Variants in NAALADL2 observed in about 807,000 individuals in gnomAD.
NAALADL2 encodes inactive N-acetylated-alpha-linked acidic dipeptidase-like protein 2.
NAALADL2 carries 76 observed loss-of-function variants against 87.2 expected under a neutral mutation model. The ratio of observed to expected loss-of-function variants is 0.87; its 90% CI spans 0.72 to 1.05. The LOEUF (loss-of-function observed/expected upper bound fraction) is 1.05, where lower values mean the gene tolerates loss of function less well. Ranked by LOEUF, NAALADL2 falls within the 50% of genes least tolerant of loss-of-function variation. The probability of loss-of-function intolerance (pLI) is 0.00; values close to 1 mark genes in which losing one functional copy is unlikely to be tolerated. For missense variants in NAALADL2, 1,089 were observed against 945.8 expected, an observed-to-expected ratio of 1.15 and a Z score of -1.99; for synonymous variants, 354 against 331.0, an observed-to-expected ratio of 1.07 and a Z score of -0.75.
intron 2 of NAALADL2, among the ~76,000 whole-genome samples, chr3:174,656,208 A>G (rs145722689): frequency 1.5e-3 from 221 of 152,312 alleles, no homozygotes; most frequent in South Asian, 2.7e-3. Context: ...TGGACCAGTA[A>G]AGAATACCCT....
At chr3:175,608,389 A>G in intron 10 of NAALADL2, among the ~76,000 whole-genome samples, 1 of 151,720 alleles carries the variant, frequency 6.6e-6, no homozygotes, top group East Asian at 2.0e-4. Flanking sequence ...TTTCCACAAT[A>G]TAAAATTTAT....
chr3:174,810,398 G>A (rs1266607081), intron 3 of NAALADL2, among the ~76,000 whole-genome samples: 2 of 152,026 alleles, frequency 1.3e-5, no homozygotes, highest in Non-Finnish European at 2.9e-5. Flanking sequence ...TGGAAATGAG[G>A]AACTTACTAA....
intron 11 of NAALADL2, among the ~76,000 whole-genome samples, chr3:175,670,540 ATTAT>A (rs1196238291): frequency 2.0e-3 from 3 of 1,514 alleles, no homozygotes; most frequent in African/African-American, 9.0e-3. Flanking sequence ...ATTTAATTAT[ATTAT>A]TTTACATTAT....
chr3:175,431,172 C>T lies in NAALADL2; in HGVS notation c.1091-16057C>T, dbSNP rs377543413. Among the ~76,000 whole-genome samples the T allele has an allele frequency of 1.2e-4, 19 of 152,102 alleles. No individual in the cohort carries two copies. In the East Asian group the frequency reaches 1.4e-3, roughly 11 times the overall value. ...GTGTCACTTCTTTTGTTTCATTTCA[C>T]GGCAAACATACTGTGAGAAAGTGAG... On this transcript the variant is annotated intron_variant, in intron 5 of 13. Coordinates refer to ENST00000454872, the MANE Select transcript of NAALADL2 (RefSeq NM_207015.3).
At chr3:174,905,912 A>T (rs1732897818) in intron 1 of NAALADL2, among the ~76,000 whole-genome samples, 1 of 152,124 alleles carries the variant, frequency 6.6e-6, no homozygotes, top group South Asian at 2.1e-4. Flanking sequence ...ACTGAGTTGC[A>T]CCTGGATATT....
intron 1 of NAALADL2, among the ~76,000 whole-genome samples, chr3:174,920,998 A>G (rs1489409805): frequency 6.6e-6 from 1 of 152,184 alleles, no homozygotes; most frequent in Non-Finnish European, 1.5e-5. Flanking sequence ...GTCATGGTCC[A>G]TGGTGTCCCA....
At chr3:175,369,098 A>G (rs942281619) in intron 5 of NAALADL2, among the ~76,000 whole-genome samples, 1 of 152,150 alleles carries the variant, frequency 6.6e-6, no homozygotes, top group Non-Finnish European at 1.5e-5. Flanking sequence ...TAATTGCACT[A>G]ATGTCACAAT....
chr3:174,488,051 G>A (rs1180347892), intron 1 of NAALADL2, among the ~76,000 whole-genome samples: 1 of 152,044 alleles, frequency 6.6e-6, no homozygotes, highest in Non-Finnish European at 1.5e-5. Flanking sequence ...GTCAGGTAGA[G>A]ACGATACATT....
intron 1 of NAALADL2, among the ~76,000 whole-genome samples, chr3:174,540,494 T>G (rs1722126993): frequency 6.6e-6 from 1 of 152,216 alleles, no homozygotes; most frequent in Non-Finnish European, 1.5e-5. Flanking sequence ...CTAAAGGTAA[T>G]TGTTAAAAAA....
chr3:174,456,212 GA>G (rs1337655916), intron 1 of NAALADL2, among the ~76,000 whole-genome samples: 1 of 151,976 alleles, frequency 6.6e-6, no homozygotes, highest in African/African-American at 2.4e-5. Flanking sequence ...AATCAGAGAT[GA>G]CACAAACAAT....
rs1351294520 is a variant in NAALADL2 at position 174,610,606 on chromosome 3, C to T, written c.-115+59969C>T. 2.6e-5 allele frequency among the ~76,000 whole-genome samples: 4 copies of T among 152,188 alleles called. No homozygotes were observed. In the East Asian group the frequency reaches 5.8e-4, roughly 22 times the overall value. On this transcript the variant is annotated intron_variant, in intron 2 of 3. Transcript: ENST00000434257. ...GCCATCAGAGAAATGCAAATCAAAACCACAATGAGATACCATCTCACACCA... is the reference window on the plus strand; with the variant it reads ...GCCATCAGAGAAATGCAAATCAAAATCACAATGAGATACCATCTCACACCA...
In NAALADL2 at chr3:175,463,498, G is replaced by A. The variant is rs746371827; in HGVS notation, c.1327+5G>A. 12 of 1,533,364 alleles carry A rather than the reference G, an allele frequency of 7.8e-6. No individual in the cohort carries two copies. The African/African-American group carries it at 1.5e-4, about 19-fold the overall frequency. 95.0% of individuals were successfully genotyped at this position (1,533,364 alleles called of 1,614,324 possible). Reference sequence around the variant, plus strand: ...TAATGGGCTTGACATCTCCAGGTAAGTAGGGTTGAAAATTTATAATCTACA... The same window carrying A: ...TAATGGGCTTGACATCTCCAGGTAAATAGGGTTGAAAATTTATAATCTACA... On this transcript the variant is annotated splice_donor_5th_base_variant and intron_variant, in intron 7 of 13. Transcript: ENST00000454872.
chr3:174,532,094 A>C (rs1721293386), intron 1 of NAALADL2, among the ~76,000 whole-genome samples: 1 of 152,204 alleles, frequency 6.6e-6, no homozygotes, highest in Non-Finnish European at 1.5e-5. Flanking sequence ...AGAGCAAAAA[A>C]TAGGTACTTC....
intron 13 of NAALADL2, among the ~76,000 whole-genome samples, chr3:175,756,516 G>T (rs535418564): frequency 4.3e-4 from 65 of 152,246 alleles, no homozygotes; most frequent in African/African-American, 1.4e-3. Context: ...AATCATGTCT[G>T]TCACAGCAGC....
chr3:174,676,888 G>T (rs1727088628), intron 2 of NAALADL2, among the ~76,000 whole-genome samples: 1 of 151,758 alleles, frequency 6.6e-6, no homozygotes, highest in Non-Finnish European at 1.5e-5. Context: ...AATGAATAAT[G>T]AACTGAATTT....
chr3:174,876,305 GA>G (rs1436126732), intron 1 of NAALADL2, among the ~76,000 whole-genome samples: 2 of 152,004 alleles, frequency 1.3e-5, no homozygotes, highest in East Asian at 3.9e-4. Flanking sequence ...TGAAGCTGTT[GA>G]TATTTTCTTT....
At chr3:175,205,777 G>C (rs1458752631) in intron 2 of NAALADL2, among the ~76,000 whole-genome samples, 1 of 151,648 alleles carries the variant, frequency 6.6e-6, no homozygotes, top group Non-Finnish European at 1.5e-5. Context: ...CCATCAAAAA[G>C]TGGGCCAAGG....
chr3:174,477,620 A>T (rs147256046), intron 1 of NAALADL2, among the ~76,000 whole-genome samples: 42 of 152,290 alleles, frequency 2.8e-4, no homozygotes, highest in African/African-American at 1.0e-3. Flanking sequence ...TGAAATAATA[A>T]CACACCATTA....
chr3:175,262,504 A>T (rs1270586271), intron 4 of NAALADL2, among the ~76,000 whole-genome samples: 2 of 151,988 alleles, frequency 1.3e-5, no homozygotes, highest in Non-Finnish European at 2.9e-5. Flanking sequence ...CCTTAAAGAT[A>T]TAGGGTGCCT....
Sources: allele counts gnomAD v4.1 joint callset (sites outside exome capture counted in the v4.1 genomes callset), GRCh38; gene constraint gnomAD v4.1.1; transcripts MANE v1.5; gene names NCBI Gene and HGNC (gene_info 2026-07-23, HGNC 2026-07-21).